PRKACB: variants seen among roughly 807,000 people sequenced by gnomAD.
PRKACB encodes protein kinase cAMP-activated catalytic subunit beta.
Under a neutral mutation model 51.4 loss-of-function variants are expected in PRKACB, and 16 were observed. That is an observed-to-expected ratio of 0.31 (90% CI 0.21 to 0.47). The LOEUF is 0.47. Among genes scored for constraint, PRKACB ranks in the 20% least tolerant of loss-of-function variants. The pLI, the probability that PRKACB is intolerant of heterozygous loss-of-function variation, is 1.00. For missense variants in PRKACB, 309 were observed against 464.5 expected (o/e 0.67, Z 3.08); for synonymous variants, 147 against 154.4 (o/e 0.95, Z 0.35).
At chr1:84,215,073 G>A (rs1436185534) in intron 9 of PRKACB, among the ~76,000 whole-genome samples, 1 of 152,078 alleles carries the variant, frequency 6.6e-6, no homozygotes, top group Non-Finnish European at 1.5e-5. Context: ...ACCTTCTTGT[G>A]GCATATTGGT....
chr1:84,135,675 AG>A (rs1422074092), intron 1 of PRKACB, among the ~76,000 whole-genome samples: 2 of 152,182 alleles, frequency 1.3e-5, no homozygotes, highest in Non-Finnish European at 2.9e-5. Context: ...CATGGGTCAA[AG>A]AAGCCTCCAG....
At chr1:84,087,399 A>T (rs1250925389) in intron 1 of PRKACB, among the ~76,000 whole-genome samples, 1 of 152,216 alleles carries the variant, frequency 6.6e-6, no homozygotes, top group African/African-American at 2.4e-5. Context: ...AAGTAAAATG[A>T]ATTATCGTAA....
chr1:84,216,375 A>G (rs1359345293), intron 9 of PRKACB, among the ~76,000 whole-genome samples: 1 of 152,042 alleles, frequency 6.6e-6, no homozygotes, highest in Non-Finnish European at 1.5e-5. Flanking sequence ...TACAAAAACA[A>G]AACAATTAAA....
At chr1:84,099,237 A>G (rs371617975) in intron 1 of PRKACB, among the ~76,000 whole-genome samples, 4 of 152,276 alleles carry the variant, frequency 2.6e-5, no homozygotes. Context: ...TTTACAAAAT[A>G]TTTTAGCAAA....
At chr1:84,212,413 A>G (rs1466337798) in intron 8 of PRKACB, among the ~76,000 whole-genome samples, 1 of 152,172 alleles carries the variant, frequency 6.6e-6, no homozygotes, top group African/African-American at 2.4e-5. Context: ...TTACTATAAA[A>G]CCTATCTTTG....
At chr1:84,098,672 A>G (rs1448668068) in intron 1 of PRKACB, among the ~76,000 whole-genome samples, 1 of 152,038 alleles carries the variant, frequency 6.6e-6, no homozygotes, top group Non-Finnish European at 1.5e-5. Flanking sequence ...ATGAACTTCA[A>G]ATCATAAAAA....
At chr1:84,136,490 C>CCACACACACACACACACA (rs60681226) in intron 1 of PRKACB, among the ~76,000 whole-genome samples, 1,501 of 146,644 alleles carry the variant, frequency 0.01, 13 homozygotes, top group Non-Finnish European at 0.013. Flanking sequence ...ACGGCCAAAA[C>CCACACACACACACACACA]CACACACACA....
chr1:84,120,372 T>C (rs953209854), intron 1 of PRKACB, among the ~76,000 whole-genome samples: 5 of 152,136 alleles, frequency 3.3e-5, no homozygotes, highest in African/African-American at 1.2e-4. Flanking sequence ...ATGACATCAG[T>C]CAGGCAATTC....
chr1:84,119,857 C>G (rs1343431838), intron 1 of PRKACB, among the ~76,000 whole-genome samples: 1 of 152,016 alleles, frequency 6.6e-6, no homozygotes, highest in Non-Finnish European at 1.5e-5. Context: ...AGAAGGGATT[C>G]TTTTTCAGGG....
intron 9 of PRKACB, among the ~76,000 whole-genome samples, chr1:84,225,951 A>T (rs1674518445): frequency 6.6e-6 from 1 of 151,968 alleles, no homozygotes; most frequent in Non-Finnish European, 1.5e-5. Context: ...GTGATTATCT[A>T]CTCACTGTTT....
chr1:84,166,024 A>G (rs1489588319), intron 1 of PRKACB, among the ~76,000 whole-genome samples: 2 of 151,676 alleles, frequency 1.3e-5, no homozygotes, highest in Non-Finnish European at 3.0e-5. Flanking sequence ...ATAACTGGAG[A>G]TCACCTCATT....
chr1:84,225,702 C>G (rs958518579), intron 9 of PRKACB, among the ~76,000 whole-genome samples: 1 of 152,108 alleles, frequency 6.6e-6, no homozygotes, highest in African/African-American at 2.4e-5. Context: ...ATACTTGTCT[C>G]AGAATTCACG....
intron 1 of PRKACB, among the ~76,000 whole-genome samples, chr1:84,153,383 G>A (rs1034367628): frequency 6.6e-6 from 1 of 152,128 alleles, no homozygotes; most frequent in Non-Finnish European, 1.5e-5. Context: ...CCCTCAATTT[G>A]TGAAAAGTGC....
chr1:84,225,274 G>A (rs1294298290), intron 9 of PRKACB, among the ~76,000 whole-genome samples: 1 of 152,206 alleles, frequency 6.6e-6, no homozygotes, highest in Non-Finnish European at 1.5e-5. Flanking sequence ...TGAAGGTGCT[G>A]CAAGTACCTG....
At chr1:84,153,907 A>T (rs2811999) in intron 1 of PRKACB, among the ~76,000 whole-genome samples, 26,963 of 152,134 alleles carry the variant, frequency 0.18, 2,678 homozygotes, top group South Asian at 0.25. Context: ...AAGCTGGATC[A>T]TATGATAGTT....
At chr1:84,217,171 T>C (rs1055420880) in intron 9 of PRKACB, among the ~76,000 whole-genome samples, 27 of 152,280 alleles carry the variant, frequency 1.8e-4, no homozygotes, top group African/African-American at 6.5e-4. Flanking sequence ...AGCAGTTTGG[T>C]GAGAAAGATT....
intron 1 of PRKACB, among the ~76,000 whole-genome samples, chr1:84,079,451 G>C (rs1647349202): frequency 6.6e-6 from 1 of 152,060 alleles, no homozygotes; most frequent in South Asian, 2.1e-4. Flanking sequence ...GCTTTTTTCT[G>C]TATTAATAAA....
At chr1:84,172,736 A>G (rs1290458251) in intron 1 of PRKACB, among the ~76,000 whole-genome samples, 1 of 151,726 alleles carries the variant, frequency 6.6e-6, no homozygotes, top group East Asian at 1.9e-4. Context: ...TATGCTGTTC[A>G]CTTGTAACTA....
At chr1:84,087,440 A>G (rs1339034839) in intron 1 of PRKACB, among the ~76,000 whole-genome samples, 1 of 152,212 alleles carries the variant, frequency 6.6e-6, no homozygotes, top group East Asian at 1.9e-4. Flanking sequence ...TTAGACAATA[A>G]ATGTATTTAA....
Sources: allele counts gnomAD v4.1 joint callset (sites outside exome capture counted in the v4.1 genomes callset), GRCh38; gene constraint gnomAD v4.1.1; transcripts MANE v1.5; gene names NCBI Gene and HGNC (gene_info 2026-07-23, HGNC 2026-07-21).